CCDC33: variants seen among roughly 807,000 people sequenced by gnomAD.
CCDC33 encodes the protein coiled-coil domain-containing protein 33.
CCDC33 carries 94 observed loss-of-function variants against 91.9 expected under a neutral mutation model. The ratio of observed to expected loss-of-function variants is 1.02; its 90% CI spans 0.87 to 1.21. CCDC33 has a LOEUF of 1.21. CCDC33 is among the 50% of genes most tolerant of loss of function. The pLI, the probability that CCDC33 is intolerant of heterozygous loss-of-function variation, is 0.00. For synonymous variants in CCDC33, 396 were observed against 374.5 expected, an observed-to-expected ratio of 1.06 and a Z score of -0.66; for missense variants, 940 against 935.5, an observed-to-expected ratio of 1.00 and a Z score of -0.06.
chr15:74,249,027 G>T (rs1184188389), intron 2 of CCDC33, among the ~76,000 whole-genome samples: 1 of 152,092 alleles, frequency 6.6e-6, no homozygotes, highest in Non-Finnish European at 1.5e-5. Flanking sequence ...TATATACTAG[G>T]CCCCTGCTTG....
intron 2 of CCDC33, among the ~76,000 whole-genome samples, chr15:74,246,698 C>T (rs570407915): frequency 1.6e-4 from 25 of 152,216 alleles, no homozygotes; most frequent in Admixed American, 1.4e-3. Context: ...GAAAAGAGAA[C>T]GCTTGTACAC....
chr15:74,333,185 C>G, intron 16 of CCDC33: 2 of 1,499,108 alleles, frequency 1.3e-6, no homozygotes, highest in Admixed American at 1.9e-5. Context: ...ATTCCCTGGT[C>G]TTGGTGCAGC....
chr15:74,335,699 A>C, intron 18 of CCDC33: 1 of 477,462 alleles, frequency 2.1e-6, no homozygotes, highest in Non-Finnish European at 3.8e-6. Context: ...GGATGAGGGA[A>C]CAGGCAAGGA....
At chr15:74,225,836 G>A (rs540908389) in intron 2 of CCDC33, among the ~76,000 whole-genome samples, 6 of 152,180 alleles carry the variant, frequency 3.9e-5, no homozygotes, top group Non-Finnish European at 7.4e-5. Flanking sequence ...AGCCCACCCT[G>A]GCCCTGGTGA....
chr15:74,221,221 T>TTG (rs1241319124), intron 2 of CCDC33: 3 of 798,452 alleles, frequency 3.8e-6, no homozygotes, highest in African/African-American at 2.0e-5. Flanking sequence ...CACTGGTTTT[T>TTG]TTTTTTTTTT....
chr15:74,319,663 G>C (rs1202849321), intron 11 of CCDC33: 1 of 152,338 alleles, frequency 6.6e-6, no homozygotes, highest in African/African-American at 2.4e-5. Context: ...ATGGAGCCTT[G>C]AGGGTCAGGC....
At position 74,236,620 on chromosome 15, in the gene CCDC33, GC is replaced by G; in HGVS notation, c.-98del. ...CCCATAAGGACTCCAAGACGCCCAGGCCAGCTGTCTGGGCAGGACTGATTCC... is the reference window on the plus strand; with the variant it reads ...CCCATAAGGACTCCAAGACGCCCAGGCAGCTGTCTGGGCAGGACTGATTCC... On this transcript the variant is annotated 5_prime_UTR_variant, in exon 1 of 19. Coordinates refer to ENST00000398814, the MANE Select transcript of CCDC33 (RefSeq NM_025055.5). 1 of 1,136,690 alleles carries G rather than the reference GC, an allele frequency of 8.8e-7. No individual in the cohort carries two copies. The highest frequency in any genetic ancestry group is 1.3e-6 in the Non-Finnish European group (1 of 768,336). The allele number at this position is 1,136,690 out of a possible 1,614,324, so 70.4% of individuals were successfully genotyped here. A position where few individuals can be genotyped will look rare whatever the true frequency, so the allele number is the denominator to read the frequency against.
chr15:74,246,943 A>G (rs2142288939), intron 2 of CCDC33, among the ~76,000 whole-genome samples: 1 of 152,008 alleles, frequency 6.6e-6, no homozygotes, highest in South Asian at 2.1e-4. Flanking sequence ...TCAGGAGTTC[A>G]AGACCACCCT....
upstream of CCDC33, among the ~76,000 whole-genome samples, chr15:74,231,797 C>T (rs1336787680): frequency 6.6e-6 from 1 of 152,172 alleles, no homozygotes; most frequent in Non-Finnish European, 1.5e-5. Context: ...GGGTGGATCA[C>T]TTGAGGTCAG....
intron 11 of CCDC33, among the ~76,000 whole-genome samples, chr15:74,311,058 G>GGT (rs772468127): frequency 0.047 from 7,186 of 152,184 alleles, 211 homozygotes; most frequent in Middle Eastern, 0.12. Context: ...GCCTGGACAG[G>GGT]GCGCACGGGG....
chr15:74,306,562 G>A (rs1317861734), intron 11 of CCDC33, among the ~76,000 whole-genome samples: 2 of 152,124 alleles, frequency 1.3e-5, no homozygotes, highest in Non-Finnish European at 2.9e-5. Context: ...CTCTCTCCAG[G>A]CCTGGCCTGG....
chr15:74,221,211 C>A, intron 2 of CCDC33: 1 of 946,890 alleles, frequency 1.1e-6, no homozygotes, highest in Non-Finnish European at 1.2e-6. Context: ...TAGTGTGTGG[C>A]ACTGGTTTTT....
downstream of CCDC33, chr15:74,336,443 A>G (rs1246551084): frequency 7.8e-7 from 1 of 1,286,534 alleles, no homozygotes. Flanking sequence ...GCCCCAAAAC[A>G]TCTATCATGT....
Position 74,244,266 on chromosome 15 carries a change from A to G in CCDC33, c.185+118A>G, listed in dbSNP as rs945185293. 8 of 1,322,170 alleles carry G rather than the reference A, an allele frequency of 6.1e-6. No individual in the cohort carries two copies. Among genetic ancestry groups the G allele is most frequent in the Non-Finnish European group, 8.1e-6 (8 of 982,634 alleles). 81.9% of individuals were successfully genotyped at this position (1,322,170 alleles called of 1,614,324 possible). On this transcript the variant is annotated intron_variant, in intron 2 of 18. Transcript: ENST00000398814. This position sits in a 1 kb window ranked among gnomAD's most constrained non-coding sequence, Gnocchi z 4.2. ...CCAGGACTGGGACTGTCATACCCAGAGGGGAGGAGCTGCTGTGGGCACTAC... is the reference window on the plus strand; with the variant it reads ...CCAGGACTGGGACTGTCATACCCAGGGGGGAGGAGCTGCTGTGGGCACTAC...
chr15:74,270,946 GTGAC>G (rs2076298192), intron 5 of CCDC33, among the ~76,000 whole-genome samples: 5 of 152,200 alleles, frequency 3.3e-5, no homozygotes, highest in Non-Finnish European at 7.4e-5. Context: ...CCTTTAGGGG[GTGAC>G]AGAGGACTGA....
intron 11 of CCDC33, among the ~76,000 whole-genome samples, chr15:74,308,474 C>T (rs74023470): frequency 0.016 from 2,481 of 152,070 alleles, 75 homozygotes; most frequent in African/African-American, 0.056. Flanking sequence ...GCTCATTCAT[C>T]GGCTCCTGCC....
chr15:74,281,680 G>A (rs1048176567), intron 9 of CCDC33, 98 bp from the exon 10 acceptor site: 46 of 1,120,696 alleles, frequency 4.1e-5, no homozygotes, highest in Middle Eastern at 2.6e-4. Flanking sequence ...GGTGCAGCCC[G>A]CAGGTGACAC....
chr15:74,237,348 G>A (rs2075197274), intron 1 of CCDC33, among the ~76,000 whole-genome samples: 1 of 152,250 alleles, frequency 6.6e-6, no homozygotes, highest in Non-Finnish European at 1.5e-5. Flanking sequence ...GTGATGAGAT[G>A]TAAACAGTTG....
chr15:74,204,862 G>T (rs2074223777), intron 1 of CCDC33, among the ~76,000 whole-genome samples: 1 of 152,118 alleles, frequency 6.6e-6, no homozygotes, highest in African/African-American at 2.4e-5. Flanking sequence ...TTGAACCCAG[G>T]GGGCAGAGGT....
Sources: allele counts gnomAD v4.1 joint callset (sites outside exome capture counted in the v4.1 genomes callset), GRCh38; gene constraint gnomAD v4.1.1; non-coding constraint Gnocchi (gnomAD v3.1); transcripts MANE v1.5; gene names NCBI Gene and HGNC (gene_info 2026-07-23, HGNC 2026-07-21).